EPB41L1: variants seen among roughly 807,000 people sequenced by gnomAD.
The protein encoded by EPB41L1 is band 4.1-like protein 1.
A neutral mutation model predicts 97.8 loss-of-function variants in EPB41L1; 29 were observed. The ratio of observed to expected loss-of-function variants is 0.30; its 90% CI spans 0.22 to 0.40. The LOEUF is 0.40. EPB41L1 is among the 10% of genes least tolerant of loss of function. The pLI, the probability that EPB41L1 is intolerant of heterozygous loss-of-function variation, is 1.00. For missense variants in EPB41L1, 812 were observed against 1,162.3 expected, an observed-to-expected ratio of 0.70 and a Z score of 4.38; for synonymous variants, 383 against 459.2, an observed-to-expected ratio of 0.83 and a Z score of 2.12.
chr20:36,210,805 C>T (rs1341796548), intron 15 of EPB41L1, among the ~76,000 whole-genome samples: 3 of 152,228 alleles, frequency 2.0e-5, no homozygotes, highest in Non-Finnish European at 2.9e-5. Flanking sequence ...GACAAGCCTG[C>T]TCTCCCACCA....
At position 36,183,788 on chromosome 20, in the gene EPB41L1, C is replaced by T. The variant is rs142836575; in HGVS notation, c.567-1329C>T. Among the ~76,000 whole-genome samples, 148 of 152,282 alleles carry T rather than the reference C, an allele frequency of 9.7e-4. No individual in the cohort carries two copies. The Middle Eastern group carries it at 0.014, about 14-fold the overall frequency. On this transcript the variant is annotated intron_variant, in intron 6 of 21. Transcript: ENST00000338074. Reference sequence around the variant, plus strand: ...AACAGAATGCCCATAAGCCTGTACTCGGTGCCTGTGATGTTTGAGCTGCTA... The same window carrying T: ...AACAGAATGCCCATAAGCCTGTACTTGGTGCCTGTGATGTTTGAGCTGCTA...
At chr20:36,132,131 G>A (rs2059234637) in intron 2 of EPB41L1, among the ~76,000 whole-genome samples, 1 of 152,174 alleles carries the variant, frequency 6.6e-6, no homozygotes, top group Non-Finnish European at 1.5e-5. Flanking sequence ...AGGTGACTGT[G>A]TCAGTTTCCT....
At position 36,185,306 on chromosome 20, in the gene EPB41L1, G is replaced by C; in HGVS notation, c.756G>C (p.Glu252Asp). The change falls in exon 7 of 22, where the codon GAG becomes GAC. Residue 252 changes from glutamate to aspartate, a missense_variant. Physicochemically the swap from Glu to Asp is conservative, Grantham distance 45 (BLOSUM62 2). This residue lies in a region of EPB41L1 where 230 missense variants were observed against 445.2 expected (regional missense o/e 0.52). Transcript: ENST00000338074. ...FAPNQTRELE[E>D]RIMELHKTYR... is the part of the protein sequence containing the mutation. ...CTAACCAGACCCGGGAGCTGGAGGA[G>C]AGGATCATGGAGCTGCATAAGACAT... is the stretch of plus-strand genomic sequence containing the variant. 1 of 1,613,414 alleles carries C rather than the reference G, an allele frequency of 6.2e-7. No individual in the cohort carries two copies.
intron 1 of EPB41L1, among the ~76,000 whole-genome samples, chr20:36,171,585 G>C (rs367701726): frequency 1.0e-3 from 156 of 152,280 alleles, no homozygotes; most frequent in African/African-American, 3.6e-3. Flanking sequence ...CCACTCTGTG[G>C]GGGGCTGAGG....
chr20:36,214,807 T>TG (rs2063346158), intron 17 of EPB41L1, among the ~76,000 whole-genome samples: 1 of 152,060 alleles, frequency 6.6e-6, no homozygotes, highest in East Asian at 1.9e-4. Flanking sequence ...AAGGTGAGGC[T>TG]GGACCCATCC....
Position 36,195,215 on chromosome 20 carries a change from T to C in EPB41L1, c.1450-114T>C. The C allele has an allele frequency of 7.7e-7, 1 of 1,306,218 alleles. No homozygotes were observed. Among genetic ancestry groups the C allele is most frequent in the South Asian group, 1.2e-5 (1 of 82,268 alleles). 80.9% of individuals were successfully genotyped at this position (1,306,218 alleles called of 1,614,324 possible). Reference sequence around the variant, plus strand: ...CCACCCAGCTGCCCTGGCCTCCACTTGGTCGAGTGTGCGTGCTCTGGGCTC... The same window carrying C: ...CCACCCAGCTGCCCTGGCCTCCACTCGGTCGAGTGTGCGTGCTCTGGGCTC... On this transcript the variant is annotated intron_variant, in intron 12 of 21. Transcript: ENST00000338074. This position sits in a 1 kb window ranked among gnomAD's most constrained non-coding sequence, Gnocchi z 4.6.
intron 3 of EPB41L1, among the ~76,000 whole-genome samples, chr20:36,176,042 C>T (rs2145947538): frequency 6.6e-6 from 1 of 152,340 alleles, no homozygotes; most frequent in Admixed American, 6.5e-5. Flanking sequence ...CTCCCCTATT[C>T]ACCCAGGAGA....
chr20:36,183,121 G>GC (rs1043362828), intron 6 of EPB41L1, among the ~76,000 whole-genome samples: 8 of 152,206 alleles, frequency 5.3e-5, no homozygotes, highest in African/African-American at 1.4e-4. Flanking sequence ...AACGGGGGAA[G>GC]CCCTTCTCTT....
chr20:36,232,576 A>G lies in EPB41L1; in HGVS notation c.*3236A>G. ...TTTTGAATCCTGCAAGCACATTCCA[A>G]GACTGGCCTGAAACTGCATGAGCAA... On this transcript the variant is annotated 3_prime_UTR_variant, in exon 22 of 22. Coordinates refer to ENST00000338074, the MANE Select transcript of EPB41L1 (RefSeq NM_012156.2). The G allele has an allele frequency of 5.0e-6, 2 of 399,050 alleles. No individual in the cohort carries two copies. Among genetic ancestry groups the G allele is most frequent in the Non-Finnish European group, 4.4e-6 (1 of 226,088 alleles). 24.7% of individuals were successfully genotyped at this position (399,050 alleles called of 1,614,324 possible).
intron 2 of EPB41L1, among the ~76,000 whole-genome samples, chr20:36,128,186 A>T (rs2059048644): frequency 6.6e-6 from 1 of 152,118 alleles, no homozygotes; most frequent in South Asian, 2.1e-4. Flanking sequence ...CTCCCCATCT[A>T]TCACACAGGA....
intron 1 of EPB41L1, chr20:36,155,718 C>G: frequency 2.3e-6 from 1 of 442,358 alleles, no homozygotes; most frequent in Non-Finnish European, 4.6e-6. Context: ...AGCTGCCAGC[C>G]ATCGTCGTTG....
intron 1 of EPB41L1, among the ~76,000 whole-genome samples, chr20:36,160,183 G>A (rs2060471344): frequency 6.6e-6 from 1 of 152,312 alleles, no homozygotes; most frequent in Non-Finnish European, 1.5e-5. Flanking sequence ...TGGAGTTCCA[G>A]CAAGCATATG....
chr20:36,220,174 A>G (rs79456714), intron 19 of EPB41L1, among the ~76,000 whole-genome samples: 555 of 152,392 alleles, frequency 3.6e-3, no homozygotes, highest in Non-Finnish European at 5.8e-3. Context: ...GTCAGGAAGC[A>G]TCTCCTGGAA....
chr20:36,230,772 CT>C lies in EPB41L1; in HGVS notation c.*1446del, dbSNP rs777166804. 4.3e-3 allele frequency: 606 copies of C among 141,914 alleles called. No homozygotes were observed. The highest frequency in any genetic ancestry group is 4.1e-3 in the Non-Finnish European group (264 of 64,698). 8.8% of individuals were successfully genotyped at this position (141,914 alleles called of 1,614,324 possible). A position where few individuals can be genotyped will look rare whatever the true frequency, so the allele number is the denominator to read the frequency against. On this transcript the variant is annotated 3_prime_UTR_variant, in exon 22 of 22. Transcript: ENST00000338074. ...TTTTCAGTCTTCTCTCTCTTTCTCT[CT>C]TTTTTTTTTTTTTGCCACATTCTGC...
chr20:36,107,838 A>AG (rs2058251144), intron 1 of EPB41L1, among the ~76,000 whole-genome samples: 1 of 152,116 alleles, frequency 6.6e-6, no homozygotes, highest in East Asian at 1.9e-4. Context: ...TAAAAAAAAA[A>AG]AAATTGTAAA....
At chr20:36,100,330 CT>C (rs767168738) in intron 1 of EPB41L1, among the ~76,000 whole-genome samples, 2 of 152,128 alleles carry the variant, frequency 1.3e-5, no homozygotes, top group Non-Finnish European at 2.9e-5. Flanking sequence ...CTCCCCTTCC[CT>C]CTCCCCACCT....
At chr20:36,164,153 G>A (rs1414969094) in intron 1 of EPB41L1, among the ~76,000 whole-genome samples, 1 of 152,150 alleles carries the variant, frequency 6.6e-6, no homozygotes, top group African/African-American at 2.4e-5. Flanking sequence ...CCCTGCCAGT[G>A]TCTTCTATTG....
At chr20:36,205,823 C>G in intron 14 of EPB41L1, 4 of 1,265,314 alleles carry the variant, frequency 3.2e-6, no homozygotes, top group Non-Finnish European at 4.1e-6. Context: ...TTCATGTTAA[C>G]TCTTCTTGCT....
chr20:36,205,156 A>G (rs1200367468), intron 14 of EPB41L1, among the ~76,000 whole-genome samples: 2 of 152,154 alleles, frequency 1.3e-5, no homozygotes, highest in African/African-American at 4.8e-5. Flanking sequence ...CTCCATGACT[A>G]CTATGCTTTC....
Sources: allele counts gnomAD v4.1 joint callset (sites outside exome capture counted in the v4.1 genomes callset), GRCh38; gene constraint gnomAD v4.1.1; regional missense constraint gnomAD v4.1.1; non-coding constraint Gnocchi (gnomAD v3.1); transcripts MANE v1.5; gene names NCBI Gene and HGNC (gene_info 2026-07-23, HGNC 2026-07-21).